Variants in CLDN14 observed in about 807,000 individuals in gnomAD.
The protein encoded by CLDN14 is claudin-14.
In CLDN14, 2 loss-of-function variants were observed where a neutral mutation model predicts 2.1. The observed-to-expected ratio is 0.96, with a 90% CI of 0.39 to 3.01. CLDN14 has a LOEUF of 3.01. Ranked by LOEUF, CLDN14 falls within the 30% of genes most tolerant of loss-of-function variation. The pLI, the probability that CLDN14 is intolerant of heterozygous loss-of-function variation, is 0.09. For synonymous variants in CLDN14, 136 were observed against 154.4 expected (o/e 0.88, Z 0.88); for missense variants, 298 against 328.0 (o/e 0.91, Z 0.71).
intron 1 of CLDN14, chr21:36,466,473 G>C (rs1307625914): frequency 6.6e-6 from 1 of 152,190 alleles, no homozygotes; most frequent in African/African-American, 2.4e-5. Flanking sequence ...TGAGGGCTGA[G>C]CCGAGGGTGA....
rs58458004 is a variant in CLDN14 at position 36,501,332 on chromosome 21, CTTTTTTTTTTTTTTTT to C, written c.-82+9015_-82+9030del. ...AATGGGAGTTTCAGTCAATATCTCA[CTTTTTTTTTTTTTTTT>C]TTTTTTTTTTTTTTTTTTTTAGAAA... On this transcript the variant is annotated intron_variant, in intron 2 of 2. Transcript: ENST00000342108. Among the ~76,000 whole-genome samples, 329 of 48,446 alleles carry C rather than the reference CTTTTTTTTTTTTTTTT, an allele frequency of 6.8e-3. 5 individuals are homozygous for C. The highest frequency in any genetic ancestry group is 0.02 in the Middle Eastern group (1 of 50). The allele number at this position is 48,446 out of a possible 152,430, so 31.8% of individuals were successfully genotyped here.
In CLDN14 at chr21:36,540,538, A is replaced by G. The variant is rs921133112; in HGVS notation, c.-219-30038T>C. ...GGTGGCCTTAACCTCTCCTACTGAT[A>G]TTGAACGCTGGGCAGCATGGCCCTC... is the stretch of plus-strand genomic sequence containing the variant. On this transcript the variant is annotated intron_variant, in intron 1 of 2. Transcript: ENST00000342108. 1.3e-4 allele frequency among the ~76,000 whole-genome samples: 20 copies of G among 152,096 alleles called. 1 individual carries two copies. The highest frequency in any genetic ancestry group is 4.8e-4 in the African/African-American group (20 of 41,384).
chr21:36,464,543 C>T (rs2086621594), intron 1 of CLDN14, among the ~76,000 whole-genome samples: 2 of 152,198 alleles, frequency 1.3e-5, no homozygotes, highest in Admixed American at 6.5e-5. Flanking sequence ...ATCACAGTCC[C>T]TGCTGGCCAG....
chr21:36,512,602 G>T (rs2146485822), intron 1 of CLDN14, among the ~76,000 whole-genome samples: 1 of 152,328 alleles, frequency 6.6e-6, no homozygotes, highest in South Asian at 2.1e-4. Context: ...ACTCAGACTT[G>T]TGCAGGAAAA....
At chr21:36,482,966 C>T (rs1017892206), upstream of CLDN14, among the ~76,000 whole-genome samples, 1 of 152,196 alleles carries the variant, frequency 6.6e-6, no homozygotes, top group Non-Finnish European at 1.5e-5. Context: ...AATCCTGAAA[C>T]AGCCTTTGCT....
At chr21:36,491,906 A>C (rs1379939869) in intron 2 of CLDN14, among the ~76,000 whole-genome samples, 1 of 152,168 alleles carries the variant, frequency 6.6e-6, no homozygotes, top group Admixed American at 6.5e-5. Context: ...GCATTAAGTG[A>C]GGAGTCCTTG....
intron 1 of CLDN14, among the ~76,000 whole-genome samples, chr21:36,519,494 T>C (rs2087252623): frequency 6.6e-6 from 1 of 152,166 alleles, no homozygotes; most frequent in Non-Finnish European, 1.5e-5. Flanking sequence ...GTGGATCACC[T>C]GAGGTCAGGA....
chr21:36,564,661 A>G (rs452107), intron 1 of CLDN14, among the ~76,000 whole-genome samples: 114,178 of 152,132 alleles, frequency 0.75, 44,300 homozygotes, highest in Non-Finnish European at 0.87. Flanking sequence ...CCATGCCCTC[A>G]TCTCCAGAAC....
chr21:36,502,812 A>G (rs1294835711), intron 2 of CLDN14, among the ~76,000 whole-genome samples: 2 of 152,230 alleles, frequency 1.3e-5, no homozygotes, highest in Non-Finnish European at 2.9e-5. Flanking sequence ...TATATTTCCC[A>G]ACTACTAAAA....
At chr21:36,463,350 A>G (rs219770) in intron 1 of CLDN14, among the ~76,000 whole-genome samples, 41,177 of 152,236 alleles carry the variant, frequency 0.27, 6,158 homozygotes, top group African/African-American at 0.38. Context: ...GCCTCAGTTA[A>G]GCAGTGCAGG....
rs978660212 is a variant in CLDN14 at position 36,498,078 on chromosome 21, C to T, written c.-82+12285G>A. ...GCAGTGGTGCAATCTTGGCTCACTG[C>T]AACCTCCACCGCCCGGGGTTCAAGC... On this transcript the variant is annotated intron_variant, in intron 2 of 2. Coordinates refer to the CLDN14 transcript ENST00000342108. This position sits in a 1 kb window ranked among gnomAD's most constrained non-coding sequence, Gnocchi z 4.9. Among the ~76,000 whole-genome samples the T allele has an allele frequency of 4.6e-5, 7 of 151,920 alleles. No individual in the cohort carries two copies. The East Asian group carries it at 9.6e-4, about 21-fold the overall frequency.
intron 1 of CLDN14, among the ~76,000 whole-genome samples, chr21:36,464,241 G>A (rs1233405957): frequency 6.6e-6 from 1 of 152,120 alleles, no homozygotes; most frequent in East Asian, 1.9e-4. Context: ...GTGATTGTAA[G>A]TTTCCTAAGG....
At chr21:36,463,206 C>T (rs908894496) in intron 1 of CLDN14, among the ~76,000 whole-genome samples, 2 of 152,180 alleles carry the variant, frequency 1.3e-5, no homozygotes, top group African/African-American at 4.8e-5. Context: ...CAGTGGGCGA[C>T]CTGGGGCTCA....
chr21:36,567,162 G>A (rs2087679401), intron 1 of CLDN14, among the ~76,000 whole-genome samples: 1 of 152,224 alleles, frequency 6.6e-6, no homozygotes, highest in Non-Finnish European at 1.5e-5. Flanking sequence ...CGGCTTGGAG[G>A]CAGAAGCCTA....
chr21:36,569,468 C>T (rs2087693968), intron 1 of CLDN14, among the ~76,000 whole-genome samples: 1 of 151,952 alleles, frequency 6.6e-6, no homozygotes, highest in Non-Finnish European at 1.5e-5. Flanking sequence ...TATATATCAG[C>T]ATTACAAAAG....
chr21:36,501,758 A>G (rs1369048252), intron 2 of CLDN14, among the ~76,000 whole-genome samples: 1 of 152,078 alleles, frequency 6.6e-6, no homozygotes, highest in Non-Finnish European at 1.5e-5. Flanking sequence ...TAAAGGGCCC[A>G]TGGTTTTCTC....
chr21:36,537,193 A>G (rs1246569161), intron 1 of CLDN14, among the ~76,000 whole-genome samples: 1 of 152,178 alleles, frequency 6.6e-6, no homozygotes, highest in Non-Finnish European at 1.5e-5. Context: ...CTCCATCTCA[A>G]ACAAACAAAC....
At chr21:36,529,912 C>A (rs1394232055) in intron 1 of CLDN14, among the ~76,000 whole-genome samples, 1 of 152,114 alleles carries the variant, frequency 6.6e-6, no homozygotes, top group African/African-American at 2.4e-5. Flanking sequence ...AATATCGGAG[C>A]TAGCACTCCT....
chr21:36,537,098 G>T (rs1260137319), intron 1 of CLDN14, among the ~76,000 whole-genome samples: 1 of 152,238 alleles, frequency 6.6e-6, no homozygotes, highest in Non-Finnish European at 1.5e-5. Context: ...GCTAAGGCAG[G>T]AGGATCGCTT....
Sources: gnomAD v4.1 joint callset for allele counts (sites outside exome capture counted in the v4.1 genomes callset) on GRCh38, gnomAD v4.1.1 for gene constraint, Gnocchi (gnomAD v3.1) non-coding constraint, MANE v1.5 for transcripts, NCBI Gene and HGNC (gene_info 2026-07-23, HGNC 2026-07-21) for gene names.